The following PTPRM variants were observed in gnomAD, a reference collection of about 807,000 sequenced individuals.
The protein encoded by PTPRM is protein tyrosine phosphatase receptor type M.
A neutral mutation model predicts 186.7 loss-of-function variants in PTPRM; 47 were observed. The observed-to-expected ratio is 0.25, with a 90% CI of 0.20 to 0.32. The LOEUF is 0.32. PTPRM is among the 10% of genes least tolerant of loss of function. PTPRM has a pLI of 1.00. For missense variants in PTPRM, 1,494 were observed against 1,865.0 expected, an observed-to-expected ratio of 0.80 and a Z score of 3.66; for synonymous variants, 668 against 674.9, an observed-to-expected ratio of 0.99 and a Z score of 0.16.
intron 14 of PTPRM, among the ~76,000 whole-genome samples, chr18:8,165,890 A>T (rs1049532808): frequency 1.3e-5 from 2 of 152,152 alleles, no homozygotes; most frequent in African/African-American, 2.4e-5. Context: ...GTAAGAAAAG[A>T]TATTCAGCAT....
At chr18:7,998,655 A>ATT (rs952987341) in intron 7 of PTPRM, among the ~76,000 whole-genome samples, 1 of 151,540 alleles carries the variant, frequency 6.6e-6, no homozygotes, top group Middle Eastern at 3.2e-3. Flanking sequence ...TTTATACAAC[A>ATT]TTTTTTTTTA....
intron 2 of PTPRM, among the ~76,000 whole-genome samples, chr18:7,878,007 C>T (rs2048328592): frequency 6.6e-6 from 1 of 152,120 alleles, no homozygotes; most frequent in African/African-American, 2.4e-5. Context: ...TGAACCCTTG[C>T]AGGAGCTTCA....
intron 14 of PTPRM, among the ~76,000 whole-genome samples, chr18:8,164,443 A>G (rs1459127156): frequency 6.6e-6 from 1 of 152,246 alleles, no homozygotes; most frequent in Non-Finnish European, 1.5e-5. Flanking sequence ...GTTAGAAGCA[A>G]CCAAGTGTCC....
At chr18:7,637,838 T>C (rs1401493797) in intron 1 of PTPRM, among the ~76,000 whole-genome samples, 3 of 152,228 alleles carry the variant, frequency 2.0e-5, no homozygotes, top group African/African-American at 7.2e-5. Context: ...GAAAATTTTC[T>C]GGTGCTTTTC....
chr18:8,304,465 C>T (rs1460443284), intron 20 of PTPRM, among the ~76,000 whole-genome samples: 4 of 152,162 alleles, frequency 2.6e-5, no homozygotes, highest in African/African-American at 9.6e-5. Context: ...AAAATATCTG[C>T]TTTTCTCTGT....
At chr18:7,684,257 C>A (rs1164147063) in intron 1 of PTPRM, among the ~76,000 whole-genome samples, 1 of 151,572 alleles carries the variant, frequency 6.6e-6, no homozygotes, top group Non-Finnish European at 1.5e-5. Flanking sequence ...CTATACACCA[C>A]TGCACTCTAG....
At chr18:8,292,739 A>T (rs2095055385) in intron 19 of PTPRM, among the ~76,000 whole-genome samples, 1 of 152,218 alleles carries the variant, frequency 6.6e-6, no homozygotes, top group Non-Finnish European at 1.5e-5. Flanking sequence ...CATATCATGT[A>T]TGAGAAGAAA....
chr18:7,656,139 C>T (rs957992803), intron 1 of PTPRM, among the ~76,000 whole-genome samples: 21 of 152,146 alleles, frequency 1.4e-4, no homozygotes, highest in Non-Finnish European at 7.3e-5. Flanking sequence ...ATGTTCATTG[C>T]AGCATTATAC....
In PTPRM at chr18:7,888,220, C is replaced by A. The variant is rs2048883499; in HGVS notation, c.311C>A (p.Ser104Tyr). The change falls in exon 3 of 33, where the codon TCC becomes TAC. Residue 104 changes from serine (S) to tyrosine (Y), a missense_variant. This residue lies in a region of PTPRM where 296 missense variants were observed against 345.5 expected (regional missense o/e 0.86). Transcript: ENST00000580170. ...TGCATCGATTTTCACTATTTTGTGT[C>A]CAGCAAGAGTAATTCTCCTCCGGGG... is the stretch of plus-strand genomic sequence containing the variant. ...THCIDFHYFV[S>Y]SKSNSPPGLL... is the part of the protein sequence containing the mutation. 1.9e-6 allele frequency: 3 copies of A among 1,613,972 alleles called. No individual in the cohort carries two copies. The South Asian group carries it at 3.3e-5, about 18-fold the overall frequency.
At chr18:8,178,473 A>G (rs2093520347) in intron 14 of PTPRM, among the ~76,000 whole-genome samples, 1 of 152,170 alleles carries the variant, frequency 6.6e-6, no homozygotes, top group Non-Finnish European at 1.5e-5. Context: ...TATTTGCCAC[A>G]TAGGCTCCTT....
intron 1 of PTPRM, among the ~76,000 whole-genome samples, chr18:7,747,037 T>C (rs919362262): frequency 3.3e-5 from 5 of 152,188 alleles, no homozygotes; most frequent in African/African-American, 9.7e-5. Context: ...TTTCCCAGGG[T>C]GTTTCCCTTC....
intron 1 of PTPRM, among the ~76,000 whole-genome samples, chr18:7,578,482 C>T (rs369497628): frequency 6.6e-6 from 1 of 151,830 alleles, no homozygotes; most frequent in East Asian, 1.9e-4. Context: ...GCTATAGGCG[C>T]CCGCCACCAT....
At chr18:7,749,906 G>A (rs2041131292) in intron 1 of PTPRM, among the ~76,000 whole-genome samples, 1 of 152,218 alleles carries the variant, frequency 6.6e-6, no homozygotes, top group Non-Finnish European at 1.5e-5. Flanking sequence ...AAAAAATTCA[G>A]TTAAGCAAGT....
chr18:7,866,034 C>T (rs1456697499), intron 2 of PTPRM, among the ~76,000 whole-genome samples: 3 of 152,044 alleles, frequency 2.0e-5, no homozygotes, highest in Admixed American at 6.6e-5. Flanking sequence ...TGTGATATCC[C>T]GTTTATTATT....
chr18:7,909,197 A>G lies in PTPRM; in HGVS notation c.547+2614A>G, dbSNP rs1443603. Among the ~76,000 whole-genome samples the G allele has an allele frequency of 6.7e-3, 1,015 of 152,338 alleles. 13 individuals carry two copies. Among genetic ancestry groups the G allele is most frequent in the African/African-American group, 0.023 (945 of 41,568 alleles). On this transcript the variant is annotated intron_variant, in intron 4 of 32. Coordinates refer to ENST00000580170, the MANE Select transcript of PTPRM (RefSeq NM_001105244.2). ...TAGTCATTGTGTGCAGCAAAGACCT[A>G]AAGACTTCATGCTTATCAGTGCCTT...
chr18:7,616,534 T>C (rs2037809909), intron 1 of PTPRM, among the ~76,000 whole-genome samples: 1 of 152,106 alleles, frequency 6.6e-6, no homozygotes. Context: ...CCTTTCTCTT[T>C]GGTGGTTGTG....
At chr18:8,251,728 TCCCAAACCAGGCC>T in intron 17 of PTPRM, 1 of 152,200 alleles carries the variant, frequency 6.6e-6, no homozygotes, top group Non-Finnish European at 1.5e-5. Flanking sequence ...GAAGTGAGGT[TCCCAAACCAGGCC>T]CTGCTCATCA....
chr18:8,154,602 T>C (rs1400319369), intron 14 of PTPRM: 1 of 152,258 alleles, frequency 6.6e-6, no homozygotes, highest in African/African-American at 2.4e-5. Flanking sequence ...GGAGGCATTG[T>C]CAATTATTAG....
At chr18:8,324,129 C>A (rs1156828639) in intron 22 of PTPRM, among the ~76,000 whole-genome samples, 2 of 152,102 alleles carry the variant, frequency 1.3e-5, no homozygotes, top group African/African-American at 4.8e-5. Context: ...TTTTAAAAAA[C>A]CATACTTAGG....
Sources: allele counts gnomAD v4.1 joint callset (sites outside exome capture counted in the v4.1 genomes callset), GRCh38; gene constraint gnomAD v4.1.1; regional missense constraint gnomAD v4.1.1; transcripts MANE v1.5; gene names NCBI Gene and HGNC (gene_info 2026-07-23, HGNC 2026-07-21).